The following DMRTC1 variants were observed in gnomAD, a reference collection of about 807,000 sequenced individuals.
DMRTC1 encodes doublesex- and mab-3-related transcription factor C1.
For synonymous variants in DMRTC1, 7 were observed against 14.1 expected (o/e 0.50, Z 1.13); for missense variants, 9 against 34.6 (o/e 0.26, Z 1.86).
intron 1 of DMRTC1, among the ~76,000 whole-genome samples, chrX:72,879,815 T>A (rs2054837813): frequency 4.1e-5 from 3 of 73,817 alleles, no homozygotes; most frequent in Admixed American, 2.9e-4. Context: ...CCTCCCTCCC[T>A]CCTTCCCTCC....
chrX:72,886,875 T>C (rs1176937601), intron 1 of DMRTC1, among the ~76,000 whole-genome samples: 1 of 87,406 alleles, frequency 1.1e-5, no homozygotes, highest in African/African-American at 4.6e-5. Context: ...AGGCATGGAA[T>C]GCCTTGCCAT....
At chrX:72,905,919 G>A (rs1426425030) in intron 1 of DMRTC1, among the ~76,000 whole-genome samples, 1 of 113,908 alleles carries the variant, frequency 8.8e-6, no homozygotes, top group Non-Finnish European at 1.9e-5. Flanking sequence ...GGGAATAGAA[G>A]ACCACAGGAA....
At chrX:72,913,236 T>A in intron 1 of DMRTC1, 1 of 916,149 alleles carries the variant, frequency 1.1e-6, no homozygotes, top group Non-Finnish European at 1.5e-6. Context: ...CTTGTCACTC[T>A]GCTTTCCTCC....
chrX:72,916,280 AG>A (rs1331780345), intron 1 of DMRTC1, among the ~76,000 whole-genome samples: 1 of 109,420 alleles, frequency 9.1e-6, no homozygotes, highest in Admixed American at 9.3e-5. Context: ...GAGGGAGCCA[AG>A]ATACAGTCCC....
intron 4 of DMRTC1, 111 bp downstream of exon 4, chrX:72,874,714 T>TCCA: frequency 2.1e-5 from 3 of 144,278 alleles, no homozygotes; most frequent in African/African-American, 8.9e-5. Flanking sequence ...CTCCTCCCCC[T>TCCA]CCACCACCTC....
intron 1 of DMRTC1, chrX:72,913,189 G>C: frequency 1.3e-6 from 1 of 766,850 alleles, no homozygotes; most frequent in South Asian, 2.2e-5. Flanking sequence ...GAGAACCTCA[G>C]GCCAAGCCAG....
chrX:72,916,443 A>G (rs1325218993), intron 1 of DMRTC1, among the ~76,000 whole-genome samples: 1 of 104,966 alleles, frequency 9.5e-6, no homozygotes, highest in Non-Finnish European at 1.9e-5. Flanking sequence ...CACATGCAGC[A>G]AAGCTAAAAC....
intron 1 of DMRTC1, among the ~76,000 whole-genome samples, chrX:72,880,180 T>C (rs6647041): frequency 0.026 from 47 of 1,784 alleles, 2 homozygotes; most frequent in South Asian, 0.076. Flanking sequence ...ACGGGGTTTC[T>C]CCATGTTGCC....
At chrX:72,913,329 A>C (rs1235050380) in intron 1 of DMRTC1, 27 of 589,434 alleles carry the variant, frequency 4.6e-5, no homozygotes, top group Middle Eastern at 9.2e-4. Flanking sequence ...GCCCCCTCTG[A>C]TGCTCCATGC....
At chrX:72,875,124 G>T in intron 3 of DMRTC1, 149 bp downstream of exon 3, 1 of 35,561 alleles carries the variant, frequency 2.8e-5, no homozygotes, top group Non-Finnish European at 3.9e-5. Context: ...GGAAATTGAG[G>T]CCCAGGGAGG....
rs377421921 is a variant in DMRTC1, at chrX:72,902,909, GACACACACAC to G, written c.-94-27131_-94-27122del. On this transcript the variant is annotated intron_variant, in intron 1 of 6. Transcript: ENST00000615063. ...TTTCCTGATACCAAAACCAGACAAA[GACACACACAC>G]ACACACACACACACACACACACACA... Among the ~76,000 whole-genome samples the G allele has an allele frequency of 5.4e-4, 32 of 58,993 alleles. No individual in the cohort carries two copies. The East Asian group carries it at 0.014, about 26-fold the overall frequency. The allele number at this position is 58,993 out of a possible 115,157, so 51.2% of individuals were successfully genotyped here.
In DMRTC1 at chrX:72,874,942, G is replaced by A. The variant is rs200698413; in HGVS notation, c.140C>T (p.Ala47Val). The change falls in exon 4 of 7, where the codon GCT becomes GTT. Residue 47 changes from alanine (A) to valine (V), a missense_variant. Physicochemically the swap from Ala to Val is moderately conservative, Grantham distance 64. Coordinates refer to ENST00000615063, the MANE Select transcript of DMRTC1 (RefSeq NM_033053.3). ...TAPEEGSSQG[A>V]LLLGQAPEPL... Reference sequence around the variant, plus strand: ...TTCTGGGGCCTGGCCAAGCAGCAGAGCCCCTTGGGAGCTCCCCTGCAGGGG... The same window carrying A: ...TTCTGGGGCCTGGCCAAGCAGCAGAACCCCTTGGGAGCTCCCCTGCAGGGG... 9,067 of 226,442 alleles carry A rather than the reference G, an allele frequency of 0.04. 8 individuals are homozygous for A. Among genetic ancestry groups the A allele is most frequent in the African/African-American group, 0.044 (301 of 6,782 alleles). 18.7% of individuals were successfully genotyped at this position (226,442 alleles called of 1,213,427 possible).
At chrX:72,879,143 GTTTGT>G (rs2054825469) in intron 1 of DMRTC1, among the ~76,000 whole-genome samples, 2 of 27,883 alleles carry the variant, frequency 7.2e-5, no homozygotes, top group South Asian at 2.2e-3. Context: ...GGGGTTTTTT[GTTTGT>G]TTTTTTTTTT....
chrX:72,905,691 G>A (rs1242982154), intron 1 of DMRTC1, among the ~76,000 whole-genome samples: 2 of 61,935 alleles, frequency 3.2e-5, no homozygotes, highest in Admixed American at 2.0e-4. Flanking sequence ...TAGTAGAGAC[G>A]GGGTTTCACC....
At chrX:72,913,063 G>C (rs2054962570) in intron 1 of DMRTC1, 1 of 496,400 alleles carries the variant, frequency 2.0e-6, no homozygotes, top group African/African-American at 2.6e-5. Context: ...GCCGGTTCCA[G>C]AGGGCCCTGG....
At chrX:72,879,700 A>G (rs1435197077) in intron 1 of DMRTC1, among the ~76,000 whole-genome samples, 5 of 112,426 alleles carry the variant, frequency 4.4e-5, no homozygotes, top group Non-Finnish European at 7.5e-5. Flanking sequence ...ATAAATGTAT[A>G]TCTTAATCAG....
intron 1 of DMRTC1, chrX:72,913,301 G>A: frequency 2.7e-6 from 2 of 743,915 alleles, no homozygotes; most frequent in Non-Finnish European, 4.1e-6. Flanking sequence ...CACAGACACA[G>A]GCGTGAACGG....
At chrX:72,872,641 G>A (rs138009326) in intron 6 of DMRTC1, 77 bp from the exon 7 acceptor site, 1 of 1,181,073 alleles carries the variant, frequency 8.5e-7, no homozygotes, top group African/African-American at 1.9e-5. Flanking sequence ...TATGCGTCCC[G>A]CCCAACCAAA....
intron 1 of DMRTC1, among the ~76,000 whole-genome samples, chrX:72,916,393 G>T (rs1466638505): frequency 9.3e-6 from 1 of 107,689 alleles, no homozygotes; most frequent in Non-Finnish European, 1.9e-5. Flanking sequence ...GTGAGTTACA[G>T]CCCATGCTCT....
Sources: gnomAD v4.1 joint callset for allele counts (sites outside exome capture counted in the v4.1 genomes callset) on GRCh38, gnomAD v4.1.1 for gene constraint, MANE v1.5 for transcripts, NCBI Gene and HGNC (gene_info 2026-07-23, HGNC 2026-07-21) for gene names.